USP15: variants seen among roughly 807,000 people sequenced by gnomAD.
The protein encoded by USP15 is ubiquitin specific peptidase 15, also known as ubiquitin carboxyl-terminal hydrolase 15.
USP15 carries 18 observed loss-of-function variants against 127.1 expected under a neutral mutation model. That is an observed-to-expected ratio of 0.14 (90% CI 0.10 to 0.21). The LOEUF is 0.21. USP15 is among the 10% of genes least tolerant of loss of function. The pLI is 1.00. For missense variants in USP15, 805 were observed against 1,159.9 expected (o/e 0.69, Z 4.44); for synonymous variants, 364 against 393.7 (o/e 0.92, Z 0.89).
At position 62,413,847 on chromosome 12, in the gene USP15, G is replaced by C. The variant is rs761271811; in HGVS notation, c.*9472G>C. The C allele has an allele frequency of 1.1e-4, 17 of 152,200 alleles. No individual in the cohort carries two copies. Among genetic ancestry groups the C allele is most frequent in the Non-Finnish European group, 5.9e-5 (4 of 68,048 alleles). 9.4% of individuals were successfully genotyped at this position (152,200 alleles called of 1,614,324 possible). A position where few individuals can be genotyped will look rare whatever the true frequency, so the allele number is the denominator to read the frequency against. On this transcript the variant is annotated 3_prime_UTR_variant, in exon 22 of 22. Coordinates refer to ENST00000280377, the MANE Select transcript of USP15 (RefSeq NM_001252078.2). ...TTGGCTGTTTGGCTCAAGAGGCCTA[G>C]CTTTCAGCTTGCCTTGGCTTTCAAC...
chr12:62,349,329 C>T (rs1225637177), intron 7 of USP15, 22 bp downstream of exon 7: 1 of 1,424,798 alleles, frequency 7.0e-7, no homozygotes, highest in Non-Finnish European at 9.3e-7. Context: ...ATCTTAAAAA[C>T]TCTTTGTTTA....
At chr12:62,288,620 T>A (rs894476921) in intron 1 of USP15, among the ~76,000 whole-genome samples, 1 of 152,114 alleles carries the variant, frequency 6.6e-6, no homozygotes, top group Non-Finnish European at 1.5e-5. Context: ...GCTGTGACTT[T>A]TAGTACTATA....
intron 2 of USP15, among the ~76,000 whole-genome samples, chr12:62,299,646 A>G (rs1418615044): frequency 6.6e-6 from 1 of 152,186 alleles, no homozygotes; most frequent in African/African-American, 2.4e-5. Context: ...GTTTTTGGGT[A>G]GATAATGTGT....
intron 8 of USP15, among the ~76,000 whole-genome samples, chr12:62,360,583 AT>A (rs1219757892): frequency 1.3e-5 from 2 of 151,956 alleles, no homozygotes; most frequent in African/African-American, 2.4e-5. Flanking sequence ...TTCTTTTTGC[AT>A]TTATTGGAAC....
intron 6 of USP15, among the ~76,000 whole-genome samples, chr12:62,327,315 C>T (rs1428966728): frequency 2.0e-5 from 3 of 151,566 alleles, no homozygotes. Context: ...GGATGCAGTA[C>T]AAGGGTAGAA....
At chr12:62,263,539 C>T (rs1260394391) in intron 1 of USP15, among the ~76,000 whole-genome samples, 1 of 152,144 alleles carries the variant, frequency 6.6e-6, no homozygotes, top group Non-Finnish European at 1.5e-5. Context: ...TATCTAAAAA[C>T]TGATTTTCTA....
chr12:62,395,033 G>T (rs74095747), intron 19 of USP15, among the ~76,000 whole-genome samples: 2,747 of 152,148 alleles, frequency 0.018, 86 homozygotes, highest in African/African-American at 0.064. Flanking sequence ...TGATTAGTCA[G>T]TTACATTCAA....
intron 2 of USP15, among the ~76,000 whole-genome samples, chr12:62,298,358 C>G (rs940581893): frequency 6.6e-6 from 1 of 151,668 alleles, no homozygotes; most frequent in Non-Finnish European, 1.5e-5. Flanking sequence ...AACCTTGTCT[C>G]TAGAATAAAT....
rs2067348020 is a variant in USP15 at position 62,392,175 on chromosome 12, A to C, written c.2305-97A>C. 6 of 830,898 alleles carry C rather than the reference A, an allele frequency of 7.2e-6. No individual in the cohort carries two copies. In the South Asian group the frequency reaches 9.9e-5, roughly 14 times the overall value. The allele number at this position is 830,898 out of a possible 1,614,324, so 51.5% of individuals were successfully genotyped here. A position where few individuals can be genotyped will look rare whatever the true frequency, so the allele number is the denominator to read the frequency against. On this transcript the variant is annotated intron_variant, in intron 17 of 21. Coordinates refer to ENST00000280377, the MANE Select transcript of USP15 (RefSeq NM_001252078.2). Reference sequence around the variant, plus strand: ...ATAAGCTTTATGATTCTTTTGAGAAAGTTTAGGAGTTTTCATTATTATTCA... The same window carrying C: ...ATAAGCTTTATGATTCTTTTGAGAACGTTTAGGAGTTTTCATTATTATTCA...
intron 11 of USP15, 133 bp from the exon 12 acceptor site, chr12:62,389,298 A>G: frequency 4.2e-6 from 3 of 706,204 alleles, no homozygotes; most frequent in Non-Finnish European, 7.0e-6. Context: ...AGGACCCAGG[A>G]TAGTGGCAAG....
At chr12:62,379,283 C>CT (rs1347896381) in intron 8 of USP15, among the ~76,000 whole-genome samples, 1 of 150,394 alleles carries the variant, frequency 6.6e-6, no homozygotes, top group East Asian at 2.0e-4. Flanking sequence ...GGAGGAATGA[C>CT]TAATTAAATA....
intron 19 of USP15, 70 bp downstream of exon 19, chr12:62,393,272 T>C (rs1206381421): frequency 2.6e-6 from 4 of 1,551,402 alleles, no homozygotes; most frequent in South Asian, 1.2e-5. Context: ...CTTTTTGTTA[T>C]TATCCTTTAG....
intron 1 of USP15, among the ~76,000 whole-genome samples, chr12:62,261,073 A>C (rs1399079456): frequency 6.6e-6 from 1 of 152,074 alleles, no homozygotes; most frequent in Non-Finnish European, 1.5e-5. Context: ...TCCTTGTCAA[A>C]GGAGGGAGAG....
At chr12:62,283,231 A>G (rs143849665) in intron 1 of USP15, among the ~76,000 whole-genome samples, 1 of 152,346 alleles carries the variant, frequency 6.6e-6, no homozygotes, top group East Asian at 1.9e-4. Flanking sequence ...TCAGAAGAGT[A>G]CAGGAGAAAA....
rs544571187 is a variant in USP15, at chr12:62,346,616, G to T, written c.684-2605G>T. ...CCACCCCTTATTAATTCTTACCTTT[G>T]TTGTTTTTATAGTTCCCTAACTGGT... On this transcript the variant is annotated intron_variant, in intron 6 of 21. Coordinates refer to ENST00000280377, the MANE Select transcript of USP15 (RefSeq NM_001252078.2). 2.6e-5 allele frequency among the ~76,000 whole-genome samples: 4 copies of T among 152,142 alleles called. No individual in the cohort carries two copies. In the East Asian group the frequency reaches 7.7e-4, roughly 29 times the overall value.
At chr12:62,261,736 C>G (rs981983740) in intron 1 of USP15, among the ~76,000 whole-genome samples, 2 of 152,108 alleles carry the variant, frequency 1.3e-5, no homozygotes, top group African/African-American at 4.8e-5. Flanking sequence ...GCTCTTTACT[C>G]CTGACAAAAG....
At chr12:62,390,728 T>C (rs2137615954) in intron 14 of USP15, 136 bp from the exon 15 acceptor site, 1 of 536,552 alleles carries the variant, frequency 1.9e-6, no homozygotes, top group Non-Finnish European at 3.3e-6. Context: ...TACTAAAAGT[T>C]TGAATTTATC....
intron 1 of USP15, among the ~76,000 whole-genome samples, chr12:62,278,373 T>C (rs760880329): frequency 1.8e-4 from 27 of 152,308 alleles, no homozygotes; most frequent in Non-Finnish European, 2.8e-4. Flanking sequence ...TAACAAAGTA[T>C]AGTAAATACA....
intron 6 of USP15, among the ~76,000 whole-genome samples, chr12:62,340,183 A>G (rs1399385070): frequency 6.6e-6 from 1 of 152,168 alleles, no homozygotes; most frequent in Non-Finnish European, 1.5e-5. Context: ...AGAGGTGTTT[A>G]TAGTACTCTC....
Sources: gnomAD v4.1 joint callset for allele counts (sites outside exome capture counted in the v4.1 genomes callset) on GRCh38, gnomAD v4.1.1 for gene constraint, MANE v1.5 for transcripts, NCBI Gene and HGNC (gene_info 2026-07-23, HGNC 2026-07-21) for gene names.